The following PRMT8 variants were observed in gnomAD, a reference collection of about 807,000 sequenced individuals.
The protein encoded by PRMT8 is protein arginine N-methyltransferase 8.
PRMT8 carries 7 observed loss-of-function variants against 47.1 expected under a neutral mutation model. The observed-to-expected ratio is 0.15, with a 90% CI of 0.08 to 0.28. The LOEUF (loss-of-function observed/expected upper bound fraction) is 0.28. Among genes scored for constraint, PRMT8 ranks in the 10% least tolerant of loss-of-function variants. PRMT8 has a pLI of 1.00. For missense variants in PRMT8, 237 were observed against 505.4 expected (o/e 0.47, Z 5.09); for synonymous variants, 188 against 186.5 (o/e 1.01, Z -0.07).
intron 9 of PRMT8, among the ~76,000 whole-genome samples, chr12:3,592,814 C>G (rs1867337803): frequency 1.3e-5 from 2 of 152,216 alleles, no homozygotes; most frequent in African/African-American, 4.8e-5. Context: ...GGTCACCTCA[C>G]AGAACACTTA....
At chr12:3,410,800 C>A (rs1864421335) in intron 1 of PRMT8, among the ~76,000 whole-genome samples, 1 of 152,240 alleles carries the variant, frequency 6.6e-6, no homozygotes, top group Non-Finnish European at 1.5e-5. Flanking sequence ...AGCCACCGCA[C>A]CCAGCTGCAT....
chr12:3,590,644 AAAAAG>A (rs1867277968), intron 8 of PRMT8, among the ~76,000 whole-genome samples: 1 of 151,928 alleles, frequency 6.6e-6, no homozygotes, highest in African/African-American at 2.4e-5. Context: ...AAAAAAAAAA[AAAAAG>A]AAATCCTGGT....
chr12:3,496,008 CA>C (rs1865498609), intron 1 of PRMT8, among the ~76,000 whole-genome samples: 2 of 151,832 alleles, frequency 1.3e-5, no homozygotes, highest in South Asian at 4.1e-4. Flanking sequence ...GGATTAATCA[CA>C]ATGCCCAATT....
chr12:3,483,273 G>T (rs1289457664), intron 1 of PRMT8, among the ~76,000 whole-genome samples: 1 of 152,184 alleles, frequency 6.6e-6, no homozygotes, highest in Non-Finnish European at 1.5e-5. Context: ...GCAGAAAGAA[G>T]CACAGCACAG....
chr12:3,488,171 C>T (rs566607783), upstream of PRMT8, among the ~76,000 whole-genome samples: 56 of 152,100 alleles, frequency 3.7e-4, no homozygotes, highest in Admixed American at 5.2e-4. Context: ...AGCTGTTGAA[C>T]GGGCTACATG....
intron 1 of PRMT8, among the ~76,000 whole-genome samples, chr12:3,482,782 C>T (rs1865286787): frequency 6.6e-6 from 1 of 152,230 alleles, no homozygotes; most frequent in Admixed American, 6.5e-5. Flanking sequence ...TGTCATCACT[C>T]CCATTTACTG....
rs866221150 is a variant in PRMT8, at chr12:3,569,290, T to G, written c.625-187T>G. Among the ~76,000 whole-genome samples the G allele has an allele frequency of 1.3e-5, 2 of 152,184 alleles. No individual in the cohort carries two copies. Among genetic ancestry groups the G allele is most frequent in the Non-Finnish European group, 2.9e-5 (2 of 68,040 alleles). On this transcript the variant is annotated intron_variant, in intron 5 of 9. Transcript: ENST00000382622. This position sits in a 1 kb window ranked among gnomAD's most constrained non-coding sequence, Gnocchi z 8.2. ...TGACTCCACCTAGGTCCCTTAAATT[T>G]TCCTTGCTCCAAAATAAAAATTGAG...
chr12:3,468,338 T>C (rs1412723642), intron 1 of PRMT8, among the ~76,000 whole-genome samples: 4 of 152,038 alleles, frequency 2.6e-5, no homozygotes, highest in Non-Finnish European at 5.9e-5. Flanking sequence ...GAGGAGGAGA[T>C]GTTTGATAGT....
At chr12:3,423,557 G>A (rs777213581) in intron 1 of PRMT8, among the ~76,000 whole-genome samples, 1 of 152,170 alleles carries the variant, frequency 6.6e-6, no homozygotes, top group Non-Finnish European at 1.5e-5. Context: ...AGGCCCAGGA[G>A]TTCACCTGTC....
At chr12:3,511,926 C>T (rs1157156594) in intron 1 of PRMT8, among the ~76,000 whole-genome samples, 3 of 152,242 alleles carry the variant, frequency 2.0e-5, no homozygotes, top group Non-Finnish European at 4.4e-5. Flanking sequence ...GCTTATCTCC[C>T]AGGACATAGG....
At chr12:3,529,440 T>G (rs79205864) in intron 1 of PRMT8, among the ~76,000 whole-genome samples, 20 of 152,322 alleles carry the variant, frequency 1.3e-4, no homozygotes, top group South Asian at 1.0e-3. Context: ...TTGGAATCTG[T>G]ATTGGCTAAT....
At chr12:3,548,061 A>G (rs991765942) in intron 2 of PRMT8, among the ~76,000 whole-genome samples, 5 of 152,256 alleles carry the variant, frequency 3.3e-5, no homozygotes, top group Admixed American at 6.5e-5. Flanking sequence ...AGTGGAATAG[A>G]TCAGAGAGGC....
At chr12:3,398,396 TCACAGTGTGGCTACAA>T (rs1402278280) in intron 1 of PRMT8, among the ~76,000 whole-genome samples, 1 of 152,190 alleles carries the variant, frequency 6.6e-6, no homozygotes, top group Non-Finnish European at 1.5e-5. Context: ...AGGCAGTGCC[TCACAGTGTGGCTACAA>T]CACAGCACTG....
intron 1 of PRMT8, among the ~76,000 whole-genome samples, chr12:3,495,389 C>A: frequency 6.6e-6 from 1 of 152,184 alleles, no homozygotes; most frequent in East Asian, 1.9e-4. Flanking sequence ...AAAAGACCTC[C>A]GACTGCATAT....
chr12:3,452,731 T>G (rs1864933413), intron 1 of PRMT8, among the ~76,000 whole-genome samples: 1 of 152,208 alleles, frequency 6.6e-6, no homozygotes, highest in African/African-American at 2.4e-5. Context: ...CAGGTTGGGC[T>G]TCTCAGGTCA....
chr12:3,398,099 C>G (rs1310804312), intron 1 of PRMT8, among the ~76,000 whole-genome samples: 1 of 152,216 alleles, frequency 6.6e-6, no homozygotes, highest in Admixed American at 6.5e-5. Flanking sequence ...GACCTGCGCC[C>G]ACTGTCTGGC....
intron 2 of PRMT8, among the ~76,000 whole-genome samples, chr12:3,548,088 A>G (rs916359169): frequency 3.3e-5 from 5 of 152,224 alleles, no homozygotes; most frequent in Admixed American, 1.3e-4. Flanking sequence ...TGTAGAGTCA[A>G]TTGATTTTTG....
At chr12:3,494,695 A>C (rs1156768968) in intron 1 of PRMT8, among the ~76,000 whole-genome samples, 2 of 152,198 alleles carry the variant, frequency 1.3e-5, no homozygotes, top group African/African-American at 4.8e-5. Flanking sequence ...GAAGAATAAA[A>C]CTACTTACAT....
chr12:3,568,566 G>C, intron 4 of PRMT8, 140 bp from the exon 5 acceptor site: 1 of 891,758 alleles, frequency 1.1e-6, no homozygotes. Flanking sequence ...AAACTAGTTT[G>C]GTAAAGGGTG....
Sources: gnomAD v4.1 joint callset for allele counts (sites outside exome capture counted in the v4.1 genomes callset) on GRCh38, gnomAD v4.1.1 for gene constraint, Gnocchi (gnomAD v3.1) non-coding constraint, MANE v1.5 for transcripts, NCBI Gene and HGNC (gene_info 2026-07-23, HGNC 2026-07-21) for gene names.